FOXO1: variants seen among roughly 807,000 people sequenced by gnomAD.
FOXO1 encodes the protein forkhead box O1, also known as forkhead box protein O1.
FOXO1 carries 6 observed loss-of-function variants against 44.1 expected under a neutral mutation model. That is an observed-to-expected ratio of 0.14 (90% confidence interval 0.07 to 0.27). The LOEUF (loss-of-function observed/expected upper bound fraction) is 0.27, where lower values mean the gene tolerates loss of function less well. FOXO1 is among the 10% of genes least tolerant of loss of function. The pLI, the probability that FOXO1 is intolerant of heterozygous loss-of-function variation, is 1.00. For missense variants in FOXO1, 737 were observed against 888.8 expected, an observed-to-expected ratio of 0.83 and a Z score of 2.17; for synonymous variants, 380 against 362.7, an observed-to-expected ratio of 1.05 and a Z score of -0.54.
intron 1 of FOXO1, chr13:40,620,003 T>A (rs997548852): frequency 5.5e-6 from 4 of 731,316 alleles, no homozygotes; most frequent in Non-Finnish European, 9.6e-6. Context: ...AGTGGCACTG[T>A]TTGTCATAAT....
At chr13:40,614,839 A>C (rs1876364976) in intron 1 of FOXO1, among the ~76,000 whole-genome samples, 1 of 152,228 alleles carries the variant, frequency 6.6e-6, no homozygotes, top group Admixed American at 6.5e-5. Flanking sequence ...GTATAAAATA[A>C]GGCCAGTTAC....
At position 40,560,560 on chromosome 13, in the gene FOXO1, T is replaced by G. The variant is rs2137823352; in HGVS notation, c.931A>C (p.Ser311Arg). The change falls in exon 2 of 3, where the codon AGT becomes CGT. Residue 311 changes from serine (S) to arginine (R), a missense_variant. By Grantham distance (110) the Ser-to-Arg change is moderately radical. Coordinates refer to ENST00000379561, the MANE Select transcript of FOXO1 (RefSeq NM_002015.4). This position sits in a 1 kb window ranked among gnomAD's most constrained non-coding sequence, Gnocchi z 5.1. ...SHSNDDFDNW[S>R]TFRPRTSSNA... ...GAGCTAGTTCGAGGGCGAAATGTAC[T>G]CCAGTTATCAAAGTCATCATTGCTG... 1 of 1,614,200 alleles carries G rather than the reference T, an allele frequency of 6.2e-7. No homozygotes were observed.
chr13:40,559,720 C>A lies in FOXO1; in HGVS notation c.1771G>T (p.Gly591Cys). ...VSSCNGYGRM[G>C]LLHQEKLPSD... ...GGGAGCTTCTCCTGGTGGAGAAGGCCCATTCTGCCATAGCCATTGCAGCTG... is the reference window on the plus strand; with the variant it reads ...GGGAGCTTCTCCTGGTGGAGAAGGCACATTCTGCCATAGCCATTGCAGCTG... The change falls in exon 2 of 3, where the codon GGC (glycine) becomes TGC (cysteine). Residue 591 changes from glycine to cysteine, a missense_variant. By Grantham distance (159) the Gly-to-Cys change is radical. Around this residue, in one of 7 missense-constraint regions of FOXO1, gnomAD observed 283 missense variants for 278.1 expected, o/e 1.02. Coordinates refer to ENST00000379561, the MANE Select transcript of FOXO1 (RefSeq NM_002015.4). 1.2e-6 allele frequency: 2 copies of A among 1,613,982 alleles called. No individual in the cohort carries two copies. The highest frequency in any genetic ancestry group is 1.7e-6 in the Non-Finnish European group (2 of 1,179,914).
At position 40,558,702 on chromosome 13, in the gene FOXO1, A is replaced by G. The variant is rs889118107; in HGVS notation, c.*347T>C. ...AAAAACACACACAAATACAATCTGT[A>G]TCTACTGCTTATATACAAAACTTGA... On this transcript the variant is annotated 3_prime_UTR_variant, in exon 3 of 3. Transcript: ENST00000379561. The G allele has an allele frequency of 3.8e-5, 15 of 397,714 alleles. No individual in the cohort carries two copies. The highest frequency in any genetic ancestry group is 2.9e-4 in the African/African-American group (14 of 48,634). The allele number at this position is 397,714 out of a possible 1,614,324, so 24.6% of individuals were successfully genotyped here.
chr13:40,561,389 T>C (rs1254278370), intron 1 of FOXO1, among the ~76,000 whole-genome samples: 1 of 150,992 alleles, frequency 6.6e-6, no homozygotes, highest in East Asian at 1.9e-4. Context: ...CTTAATTTAA[T>C]GAAGGGACAA....
chr13:40,597,168 C>T (rs1159627110), intron 1 of FOXO1, among the ~76,000 whole-genome samples: 1 of 147,926 alleles, frequency 6.8e-6, no homozygotes, highest in Non-Finnish European at 1.5e-5. Flanking sequence ...GACAGTTACA[C>T]GTGATTAATG....
chr13:40,638,967 G>A (rs557505290), intron 1 of FOXO1, among the ~76,000 whole-genome samples: 1 of 152,314 alleles, frequency 6.6e-6, no homozygotes, highest in South Asian at 2.1e-4. Flanking sequence ...GCCAATGCGG[G>A]TGGATCACCT....
intron 1 of FOXO1, among the ~76,000 whole-genome samples, chr13:40,607,662 C>T (rs1401167504): frequency 6.6e-6 from 1 of 152,252 alleles, no homozygotes; most frequent in Admixed American, 6.5e-5. Flanking sequence ...CATCTCTATA[C>T]ACTCAATGTT....
intron 1 of FOXO1, among the ~76,000 whole-genome samples, chr13:40,625,434 A>C (rs971487111): frequency 2.6e-5 from 4 of 152,206 alleles, no homozygotes; most frequent in South Asian, 2.1e-4. Context: ...GCAAATTCTA[A>C]GTACTGCTCA....
At chr13:40,634,477 G>C (rs567970981) in intron 1 of FOXO1, among the ~76,000 whole-genome samples, 1 of 152,254 alleles carries the variant, frequency 6.6e-6, no homozygotes, top group Non-Finnish European at 1.5e-5. Flanking sequence ...AGTAAGAAAA[G>C]TGAGCTAGGG....
chr13:40,557,217 A>T lies in FOXO1; in HGVS notation c.*1832T>A, dbSNP rs775604226. The stretch of plus-strand genomic sequence containing the variant: ...GAAAAATTAGATCCTTCTCAAGAAC[A>T]CAAGAGGAACAGTGCTGTGCACCTG... On this transcript the variant is annotated 3_prime_UTR_variant, in exon 3 of 3. Coordinates refer to ENST00000379561, the MANE Select transcript of FOXO1 (RefSeq NM_002015.4). The T allele has an allele frequency of 3.9e-5, 6 of 152,248 alleles. No individual in the cohort carries two copies. Among genetic ancestry groups the T allele is most frequent in the African/African-American group, 7.2e-5 (3 of 41,468 alleles). The allele number at this position is 152,248 out of a possible 1,614,324, so 9.4% of individuals were successfully genotyped here. A position where few individuals can be genotyped will look rare whatever the true frequency, so the allele number is the denominator to read the frequency against.
chr13:40,633,213 G>A (rs138546561), intron 1 of FOXO1, among the ~76,000 whole-genome samples: 90 of 152,244 alleles, frequency 5.9e-4, no homozygotes, highest in Non-Finnish European at 7.5e-4. Flanking sequence ...TCAAAAGGTC[G>A]AACAAACAGT....
chr13:40,559,046 CACAT>C lies in FOXO1; in HGVS notation c.*15-16_*15-13del. On this transcript the variant is annotated splice_polypyrimidine_tract_variant and intron_variant, in intron 2 of 2. Coordinates refer to ENST00000379561, the MANE Select transcript of FOXO1 (RefSeq NM_002015.4). ...CTTTTAAGTGTAACCTAGGAAAAAA[CACAT>C]ACATACGCACACACACATACACACA... is the stretch of plus-strand genomic sequence containing the variant. 5.0e-6 allele frequency: 2 copies of C among 396,936 alleles called. No homozygotes were observed. Among genetic ancestry groups the C allele is most frequent in the East Asian group, 3.6e-5 (1 of 27,972 alleles). 24.6% of individuals were successfully genotyped at this position (396,936 alleles called of 1,614,324 possible). A position where few individuals can be genotyped will look rare whatever the true frequency, so the allele number is the denominator to read the frequency against.
At chr13:40,636,575 G>A (rs943676448) in intron 1 of FOXO1, among the ~76,000 whole-genome samples, 2 of 144,932 alleles carry the variant, frequency 1.4e-5, no homozygotes, top group East Asian at 4.0e-4. Flanking sequence ...AGGCTGGAGT[G>A]CAGTGGCACA....
At chr13:40,571,408 C>T (rs887782651) in intron 1 of FOXO1, among the ~76,000 whole-genome samples, 6 of 152,024 alleles carry the variant, frequency 3.9e-5, no homozygotes, top group African/African-American at 1.4e-4. Flanking sequence ...TGTAGGCTAC[C>T]AAGGATTTCA....
chr13:40,575,405 G>A (rs1874707225), intron 1 of FOXO1, among the ~76,000 whole-genome samples: 1 of 152,154 alleles, frequency 6.6e-6, no homozygotes, highest in Non-Finnish European at 1.5e-5. Flanking sequence ...GTCAGTGTTA[G>A]AGCACTTGCC....
intron 1 of FOXO1, among the ~76,000 whole-genome samples, chr13:40,605,358 C>A (rs932011198): frequency 6.6e-6 from 1 of 152,134 alleles, no homozygotes; most frequent in Non-Finnish European, 1.5e-5. Context: ...TCTGTTACAA[C>A]ACTAAGCACC....
At chr13:40,602,667 T>C (rs894282119) in intron 1 of FOXO1, among the ~76,000 whole-genome samples, 4 of 152,236 alleles carry the variant, frequency 2.6e-5, no homozygotes, top group African/African-American at 9.6e-5. Flanking sequence ...GTTGTTTTAA[T>C]TTCATTCCAA....
In FOXO1 at chr13:40,559,946, T is replaced by G; in HGVS notation, c.1545A>C (p.Lys515Asn). ...STYGSQASHN[K>N]MMNPSSHTHP... The stretch of plus-strand genomic sequence containing the variant: ...GGGTATGGGAGCTGGGATTCATCAT[T>G]TTGTTATGAGATGCCTGGCTGCCAT... The change falls in exon 2 of 3, where the codon AAA becomes AAC. Residue 515 changes from lysine (K) to asparagine (N), a missense_variant. Lys to Asn is a moderately conservative substitution (Grantham distance 94). Transcript: ENST00000379561. The G allele has an allele frequency of 6.2e-7, 1 of 1,614,130 alleles. No individual in the cohort carries two copies.
Sources: allele counts gnomAD v4.1 joint callset (sites outside exome capture counted in the v4.1 genomes callset), GRCh38; gene constraint gnomAD v4.1.1; regional missense constraint gnomAD v4.1.1; non-coding constraint Gnocchi (gnomAD v3.1); transcripts MANE v1.5; gene names NCBI Gene and HGNC (gene_info 2026-07-23, HGNC 2026-07-21).